CSMD1: variants seen among roughly 807,000 people sequenced by gnomAD.
The protein encoded by CSMD1 is CUB and Sushi multiple domains 1, also known as CUB and sushi domain-containing protein 1.
A neutral mutation model predicts 417.5 loss-of-function variants in CSMD1; 213 were observed. The ratio of observed to expected loss-of-function variants is 0.51; its 90% CI spans 0.46 to 0.57. The LOEUF (loss-of-function observed/expected upper bound fraction) is 0.57, where lower values mean the gene tolerates loss of function less well. Among genes scored for constraint, CSMD1 ranks in the 20% least tolerant of loss-of-function variants. The probability of loss-of-function intolerance (pLI) is 0.00; values close to 1 mark genes in which losing one functional copy is unlikely to be tolerated. For missense variants in CSMD1, 6,923 were observed against 4,529.7 expected, an observed-to-expected ratio of 1.53 and a Z score of -15.17; for synonymous variants, 2,862 against 1,736.8, an observed-to-expected ratio of 1.65 and a Z score of -16.11.
chr8:4,010,592 C>T (rs182706521), intron 4 of CSMD1, among the ~76,000 whole-genome samples: 19 of 150,098 alleles, frequency 1.3e-4, no homozygotes, highest in Admixed American at 9.9e-4. Flanking sequence ...AGTCTGACTA[C>T]ATTCTGAGCC....
rs571984359 is a variant in CSMD1, at chr8:4,795,252, C to CTTTTTTTTTTTTTTTTTTTTTT, written c.86-157716_86-157695dup. Among the ~76,000 whole-genome samples the CTTTTTTTTTTTTTTTTTTTTTT allele has an allele frequency of 5.6e-4, 26 of 46,252 alleles. 4 individuals are homozygous for CTTTTTTTTTTTTTTTTTTTTTT. The highest frequency in any genetic ancestry group is 1.4e-3 in the East Asian group (2 of 1,386). The allele number at this position is 46,252 out of a possible 152,430, so 30.3% of individuals were successfully genotyped here. Reference sequence around the variant, plus strand: ...ATTTCTAGGTCTGCTGGTGTCATAGCTTTTTTTTTTTTTTTTTTTTTTTTT... The same window carrying CTTTTTTTTTTTTTTTTTTTTTT: ...ATTTCTAGGTCTGCTGGTGTCATAGCTTTTTTTTTTTTTTTTTTTTTTTTTTTTTTTTTTTTTTTTTTTTTTT... On this transcript the variant is annotated intron_variant, in intron 1 of 69. Transcript: ENST00000635120.
rs35107678 is a variant in CSMD1 at position 4,283,678 on chromosome 8, A to G, written c.415+136275T>C. On this transcript the variant is annotated intron_variant, in intron 3 of 69. Coordinates refer to ENST00000635120, the MANE Select transcript of CSMD1 (RefSeq NM_033225.6). ...CAACAGACACACCTCAGTTTTCCAC[A>G]TTCACTTAGGTTTTTGAGAAGCACA... Among the ~76,000 whole-genome samples the G allele has an allele frequency of 4.7e-3, 719 of 152,282 alleles. 5 individuals are homozygous for G. Among genetic ancestry groups the G allele is most frequent in the African/African-American group, 0.016 (669 of 41,544 alleles).
chr8:3,160,453 ATCAGG>A (rs1819814217), intron 38 of CSMD1, among the ~76,000 whole-genome samples: 1 of 152,150 alleles, frequency 6.6e-6, no homozygotes, highest in Admixed American at 6.5e-5. Flanking sequence ...TATCAGGTGG[ATCAGG>A]AACGTTGTGT....
chr8:4,626,292 T>C (rs1802106598), intron 2 of CSMD1, among the ~76,000 whole-genome samples: 1 of 152,036 alleles, frequency 6.6e-6, no homozygotes, highest in Non-Finnish European at 1.5e-5. Context: ...ACATACAGCC[T>C]GTTCATTGCG....
chr8:3,912,500 A>G (rs917153066), intron 5 of CSMD1, among the ~76,000 whole-genome samples: 4 of 152,194 alleles, frequency 2.6e-5, no homozygotes, highest in Admixed American at 1.3e-4. Context: ...AGTGAAACAT[A>G]TTGCATACAA....
intron 3 of CSMD1, among the ~76,000 whole-genome samples, chr8:4,269,312 C>G (rs1183922749): frequency 6.6e-6 from 1 of 152,176 alleles, no homozygotes; most frequent in Admixed American, 6.6e-5. Flanking sequence ...GATCCACCCG[C>G]ACTGGCCTCC....
At chr8:3,431,852 G>A (rs1499692) in intron 12 of CSMD1, among the ~76,000 whole-genome samples, 106,394 of 152,078 alleles carry the variant, frequency 0.7, 37,515 homozygotes, top group South Asian at 0.76. Context: ...CTACCAGCCT[G>A]CCACCACGCC....
At chr8:3,154,384 T>C (rs1011218614) in intron 39 of CSMD1, among the ~76,000 whole-genome samples, 3 of 152,210 alleles carry the variant, frequency 2.0e-5, no homozygotes, top group African/African-American at 7.2e-5. Context: ...CCTGGGAAGC[T>C]CCCTCCATGC....
intron 23 of CSMD1, 59 bp from the exon 24 acceptor site, chr8:3,308,562 C>T (rs945318482): frequency 4.4e-6 from 6 of 1,374,016 alleles, no homozygotes; most frequent in South Asian, 1.3e-5. Flanking sequence ...TGCCTTAAAA[C>T]AGAGATGAAA....
intron 2 of CSMD1, among the ~76,000 whole-genome samples, chr8:4,469,022 A>C (rs948168849): frequency 6.6e-6 from 1 of 152,188 alleles, no homozygotes; most frequent in African/African-American, 2.4e-5. Context: ...AAAAGTTCAA[A>C]AGACAATGCT....
chr8:3,374,452 G>A (rs1449211568), intron 18 of CSMD1, among the ~76,000 whole-genome samples: 2 of 152,140 alleles, frequency 1.3e-5, no homozygotes, highest in Non-Finnish European at 2.9e-5. Context: ...AATGGGGAAG[G>A]CAAATAACTT....
intron 12 of CSMD1, among the ~76,000 whole-genome samples, chr8:3,430,031 T>C (rs984267512): frequency 2.0e-5 from 3 of 152,104 alleles, no homozygotes; most frequent in African/African-American, 7.2e-5. Context: ...TAAAAGAGGA[T>C]AAATCAGAAC....
chr8:3,940,763 G>C (rs960916373), intron 5 of CSMD1, among the ~76,000 whole-genome samples: 2 of 150,066 alleles, frequency 1.3e-5, no homozygotes, highest in Non-Finnish European at 1.5e-5. Flanking sequence ...TTGTTTTGTT[G>C]TATACACAGT....
chr8:3,163,974 T>C (rs780350282), intron 37 of CSMD1, among the ~76,000 whole-genome samples: 2 of 152,174 alleles, frequency 1.3e-5, no homozygotes, highest in Non-Finnish European at 2.9e-5. Flanking sequence ...AACAGTACAC[T>C]TCCTCCACTG....
intron 7 of CSMD1, among the ~76,000 whole-genome samples, chr8:3,618,417 A>G (rs1802252238): frequency 6.6e-6 from 1 of 152,222 alleles, no homozygotes; most frequent in Non-Finnish European, 1.5e-5. Flanking sequence ...GTACTTCACT[A>G]TTCCAAACGG....
chr8:3,549,428 T>A (rs1433257257), intron 10 of CSMD1, among the ~76,000 whole-genome samples: 1 of 152,250 alleles, frequency 6.6e-6, no homozygotes, highest in Non-Finnish European at 1.5e-5. Flanking sequence ...TGAATGTTTA[T>A]GGCCTTTGAG....
At chr8:4,293,967 G>A (rs1171995725) in intron 3 of CSMD1, among the ~76,000 whole-genome samples, 1 of 151,816 alleles carries the variant, frequency 6.6e-6, no homozygotes, top group Admixed American at 6.6e-5. Flanking sequence ...TTCTAAAGCT[G>A]GTGCTTTTTG....
intron 3 of CSMD1, among the ~76,000 whole-genome samples, chr8:4,251,141 A>C (rs148542544): frequency 6.6e-6 from 1 of 152,204 alleles, no homozygotes; most frequent in Non-Finnish European, 1.5e-5. Flanking sequence ...TAAAAGAGAA[A>C]AGTATAAAGG....
intron 3 of CSMD1, among the ~76,000 whole-genome samples, chr8:4,274,168 A>C (rs1029713263): frequency 6.6e-6 from 1 of 152,092 alleles, no homozygotes; most frequent in Admixed American, 6.6e-5. Flanking sequence ...TTTTTTTGCA[A>C]AGTTAAATTA....
Sources: gnomAD v4.1 joint callset for allele counts (sites outside exome capture counted in the v4.1 genomes callset) on GRCh38, gnomAD v4.1.1 for gene constraint, MANE v1.5 for transcripts, NCBI Gene and HGNC (gene_info 2026-07-23, HGNC 2026-07-21) for gene names.